Variants in CEP295 observed in about 807,000 individuals in gnomAD.
The protein encoded by CEP295 is centrosomal protein 295, also known as centrosomal protein of 295 kDa.
In CEP295, 190 loss-of-function variants were observed where a neutral mutation model predicts 291.6. The ratio of observed to expected loss-of-function variants is 0.65; its 90% CI spans 0.58 to 0.73. The LOEUF (loss-of-function observed/expected upper bound fraction) is 0.73. Ranked by LOEUF, CEP295 falls within the 30% of genes least tolerant of loss-of-function variation. The pLI, the probability that CEP295 is intolerant of heterozygous loss-of-function variation, is 0.00. For synonymous variants in CEP295, 993 were observed against 1,038.8 expected (o/e 0.96, Z 0.85); for missense variants, 2,863 against 2,949.4 (o/e 0.97, Z 0.68).
In CEP295 at chr11:93,692,028, C is replaced by T; in HGVS notation, c.1531C>T (p.Gln511Ter). 1 of 1,446,202 alleles carries T rather than the reference C, an allele frequency of 6.9e-7. No individual in the cohort carries two copies. Among genetic ancestry groups the T allele is most frequent in the Non-Finnish European group, 9.5e-7 (1 of 1,057,760 alleles). The allele number at this position is 1,446,202 out of a possible 1,614,324, so 89.6% of individuals were successfully genotyped here. ...GATTAGAATGTCAGCAAGGCAGAAA[C>T]AGGTAATTTGAAATTTTATTTTTAA... ...ARIRMSARQK[Q>*]IMEIEEQKQK... Residue 511 changes from glutamine to a stop codon, truncating the protein, a stop_gained and splice_region_variant, in exon 12 of 30, where the codon CAG (glutamine) becomes TAG (stop). Transcript: ENST00000325212. LOFTEE classifies it high-confidence loss of function.
intron 5 of CEP295, among the ~76,000 whole-genome samples, chr11:93,672,024 T>C (rs1211422384): frequency 6.6e-6 from 1 of 152,216 alleles, no homozygotes; most frequent in Non-Finnish European, 1.5e-5. Context: ...TTTATTCATA[T>C]CTAATTTAAT....
At chr11:93,685,355 G>A (rs1187024864) in intron 9 of CEP295, among the ~76,000 whole-genome samples, 2 of 151,562 alleles carry the variant, frequency 1.3e-5, no homozygotes, top group Non-Finnish European at 2.9e-5. Context: ...TATTTCCTTT[G>A]TTTAAAACCA....
At position 93,702,792 on chromosome 11, in the gene CEP295, A is replaced by G. The variant is rs888149980; in HGVS notation, c.5469A>G (p.Lys1823=). The change falls in exon 17 of 30, where the codon AAA becomes AAG. Residue 1823 remains lysine, a synonymous_variant. Transcript: ENST00000325212. Reference sequence around the variant, plus strand: ...ACTTAATAGGTGAGCATCTGGAGAAAGATCTGGGGAGAAGATCCTCAAAGC... The same window carrying G: ...ACTTAATAGGTGAGCATCTGGAGAAGGATCTGGGGAGAAGATCCTCAAAGC... ...SAKQSGEHLE[K]DLGRRSSKPP... The G allele has an allele frequency of 3.9e-5, 61 of 1,551,772 alleles. No individual in the cohort carries two copies. The African/African-American group carries it at 5.2e-4, about 13-fold the overall frequency.
At chr11:93,713,958 C>T (rs756945095) in intron 18 of CEP295, among the ~76,000 whole-genome samples, 11 of 152,156 alleles carry the variant, frequency 7.2e-5, no homozygotes, top group Admixed American at 6.5e-5. Context: ...ATCCAGTCTT[C>T]AGTATGTCGA....
At chr11:93,672,734 A>C (rs929486053) in intron 5 of CEP295, among the ~76,000 whole-genome samples, 11 of 152,302 alleles carry the variant, frequency 7.2e-5, no homozygotes, top group African/African-American at 2.4e-4. Flanking sequence ...ACAGGAAGTA[A>C]ATTAAGTGAT....
chr11:93,671,512 C>T (rs1175199578), intron 5 of CEP295, among the ~76,000 whole-genome samples: 2 of 152,138 alleles, frequency 1.3e-5, no homozygotes, highest in Non-Finnish European at 1.5e-5. Flanking sequence ...TACTCTGTCC[C>T]GTATCTGGTA....
At position 93,729,513 on chromosome 11, in the gene CEP295, C is replaced by T. The variant is rs1338748664; in HGVS notation, c.7382C>T (p.Pro2461Leu). Residue 2461 changes from proline (P) to leucine (L), a missense_variant, in exon 26 of 30, where the codon CCA (proline) becomes CTA (leucine). Physicochemically the swap from Pro to Leu is moderately conservative, Grantham distance 98. Coordinates refer to ENST00000325212, the MANE Select transcript of CEP295 (RefSeq NM_033395.2). ...PAVSELSIEK[P>L]RTASTETPRR... The stretch of plus-strand genomic sequence containing the variant: ...GTATCAGAACTTTCCATAGAAAAAC[C>T]AAGGACAGCATCTACAGGTAAGCCT... 9.0e-6 allele frequency: 14 copies of T among 1,551,696 alleles called. No homozygotes were observed. The highest frequency in any genetic ancestry group is 1.2e-5 in the Non-Finnish European group (14 of 1,146,854).
In CEP295 at chr11:93,711,063, T is replaced by A. The variant is rs181319533; in HGVS notation, c.5749+4166T>A. Among the ~76,000 whole-genome samples, 753 of 152,292 alleles carry A rather than the reference T, an allele frequency of 4.9e-3. 10 individuals are homozygous for A. Among genetic ancestry groups the A allele is most frequent in the African/African-American group, 0.017 (693 of 41,584 alleles). On this transcript the variant is annotated intron_variant, in intron 18 of 29. Coordinates refer to ENST00000325212, the MANE Select transcript of CEP295 (RefSeq NM_033395.2). ...TTTCATAAAACCAATTTTTGTTTTC[T>A]TGATCTTTTGCATTATTTTATTTGT...
chr11:93,720,816 C>T (rs998135435), intron 18 of CEP295, among the ~76,000 whole-genome samples: 73 of 152,212 alleles, frequency 4.8e-4, no homozygotes, highest in Admixed American at 3.7e-3. Flanking sequence ...AGGCTGGTCT[C>T]GAACTCCTGC....
chr11:93,725,816 G>C lies in CEP295; in HGVS notation c.6484G>C (p.Glu2162Gln), dbSNP rs1397430362. ...AHVGAHSFAT[E>Q]NIIGGSEQCF... ...TGTTGGAGCTCACAGTTTTGCTACA[G>C]AAAATATTATTGGGGGTATGTATGA... Residue 2162 changes from glutamate to glutamine, a missense_variant, in exon 23 of 30, where the codon GAA becomes CAA. Physicochemically the swap from Glu to Gln is conservative, Grantham distance 29. Transcript: ENST00000325212. 1 of 1,550,850 alleles carries C rather than the reference G, an allele frequency of 6.4e-7. No individual in the cohort carries two copies. Among genetic ancestry groups the C allele is most frequent in the East Asian group, 2.4e-5 (1 of 40,896 alleles).
intron 9 of CEP295, among the ~76,000 whole-genome samples, chr11:93,685,369 A>C (rs555079338): frequency 6.6e-6 from 1 of 152,290 alleles, no homozygotes; most frequent in South Asian, 2.1e-4. Flanking sequence ...AAAACCACCC[A>C]GGCTTTCTTA....
At position 93,727,445 on chromosome 11, in the gene CEP295, A is replaced by G; in HGVS notation, c.6969A>G (p.Leu2323=). 6.4e-7 allele frequency: 1 copy of G among 1,551,992 alleles called. No individual in the cohort carries two copies. The highest frequency in any genetic ancestry group is 8.7e-7 in the Non-Finnish European group (1 of 1,147,000). ...NPQVEETDSR[L]CVRTVEMGTS... ...AGGTAGAGGAAACTGACTCTCGATT[A>G]TGTGTAAGAACAGTGGAGATGGGAA... The change falls in exon 24 of 30, where the codon TTA becomes TTG. Residue 2323 remains leucine (L), a synonymous_variant. Transcript: ENST00000325212.
chr11:93,729,302 G>C, intron 25 of CEP295, 132 bp from the exon 26 acceptor site: 1 of 656,058 alleles, frequency 1.5e-6, no homozygotes, highest in South Asian at 1.9e-5. Context: ...ATGGTGGCGG[G>C]TCTCTGTAGA....
intron 22 of CEP295, 30 bp from the exon 23 acceptor site, chr11:93,725,621 T>G: frequency 6.6e-7 from 1 of 1,515,792 alleles, no homozygotes; most frequent in Non-Finnish European, 8.9e-7. Context: ...CTAATCAGTA[T>G]TTCAGCCTTT....
chr11:93,718,590 T>C (rs1953443388), intron 18 of CEP295, among the ~76,000 whole-genome samples: 1 of 152,178 alleles, frequency 6.6e-6, no homozygotes, highest in Admixed American at 6.5e-5. Flanking sequence ...GCCTTATTTA[T>C]TCATACCTCC....
At chr11:93,718,901 G>C (rs575622494) in intron 18 of CEP295, among the ~76,000 whole-genome samples, 1 of 152,170 alleles carries the variant, frequency 6.6e-6, no homozygotes, top group Non-Finnish European at 1.5e-5. Flanking sequence ...ATAAGGTCAG[G>C]AATTCGAGAC....
rs759649272 is a variant in CEP295 at position 93,699,940 on chromosome 11, T to A, written c.5028T>A (p.Asn1676Lys). The A allele has an allele frequency of 4.1e-5, 63 of 1,551,684 alleles. No individual in the cohort carries two copies. The highest frequency in any genetic ancestry group is 5.0e-5 in the Non-Finnish European group (57 of 1,147,020). ...CTTGTGAATTGTATTCATCCCAGAA[T>A]GAACATGCAGCCCCCCCAAGTAATC... Reference protein sequence around the residue: ...KSTCELYSSQNEHAAPPSNPV... With the variant: ...KSTCELYSSQKEHAAPPSNPV... Residue 1676 changes from asparagine (N) to lysine (K), a missense_variant, in exon 15 of 30, where the codon AAT (asparagine) becomes AAA (lysine). Asn to Lys is a moderately conservative substitution (Grantham distance 94). This residue lies in a region of CEP295 where 2,295 missense variants were observed against 2,335.7 expected (regional missense o/e 0.98). Transcript: ENST00000325212.
At position 93,702,570 on chromosome 11, in the gene CEP295, G is replaced by T; in HGVS notation, c.5385G>T (p.Arg1795Ser). ...CAGGAAATGATCAAGAAAATATTAG[G>T]CATGCAGATAGGAACAACTCTGATG... is the stretch of plus-strand genomic sequence containing the variant. The part of the protein sequence containing the change: ...DLAGNDQENI[R>S]HADRNNSDDN... The change falls in exon 16 of 30, where the codon AGG (arginine) becomes AGT (serine). Residue 1795 changes from arginine (R) to serine (S), a missense_variant. Transcript: ENST00000325212. 1 of 1,551,278 alleles carries T rather than the reference G, an allele frequency of 6.4e-7. No individual in the cohort carries two copies. The highest frequency in any genetic ancestry group is 8.7e-7 in the Non-Finnish European group (1 of 1,146,804).
Position 93,688,931 on chromosome 11 carries a change from A to G in CEP295, c.1336+1066A>G, listed in dbSNP as rs143314024. ...TTCCTACAGTATTCCACATTTCAGT[A>G]TCTGGCAATATGTTAATTCCCTTGC... is the stretch of plus-strand genomic sequence containing the variant. On this transcript the variant is annotated intron_variant, in intron 10 of 29. Transcript: ENST00000325212. Among the ~76,000 whole-genome samples the G allele has an allele frequency of 4.8e-3, 725 of 152,310 alleles. 5 individuals are homozygous for G. Among genetic ancestry groups the G allele is most frequent in the Admixed American group, 7.9e-3 (121 of 15,292 alleles).
Sources: allele counts gnomAD v4.1 joint callset (sites outside exome capture counted in the v4.1 genomes callset), GRCh38; gene constraint gnomAD v4.1.1; regional missense constraint gnomAD v4.1.1; transcripts MANE v1.5; gene names NCBI Gene and HGNC (gene_info 2026-07-23, HGNC 2026-07-21).